The following SSH2 variants were observed in gnomAD, a reference collection of about 807,000 sequenced individuals.
SSH2 encodes the protein slingshot protein phosphatase 2, also known as protein phosphatase Slingshot homolog 2.
In SSH2, 37 loss-of-function variants were observed where a neutral mutation model predicts 135.2. That is an observed-to-expected ratio of 0.27 (90% CI 0.21 to 0.36). SSH2 has a LOEUF of 0.36. SSH2 is among the 10% of genes least tolerant of loss of function. SSH2 has a pLI of 1.00. For synonymous variants in SSH2, 628 were observed against 646.2 expected (o/e 0.97, Z 0.43); for missense variants, 1,408 against 1,765.3 (o/e 0.80, Z 3.63).
At chr17:29,769,411 A>G (rs1012299625) in intron 3 of SSH2, among the ~76,000 whole-genome samples, 1 of 152,218 alleles carries the variant, frequency 6.6e-6, no homozygotes, top group Admixed American at 6.5e-5. Flanking sequence ...TAATAGGGAC[A>G]TAACCTGGTA....
At chr17:29,763,495 T>TA (rs541851534) in intron 3 of SSH2, among the ~76,000 whole-genome samples, 476 of 135,570 alleles carry the variant, frequency 3.5e-3, no homozygotes, top group Non-Finnish European at 4.8e-3. Context: ...CTGCTGTGAT[T>TA]AAAAAAAAAA....
chr17:29,808,561 A>G (rs772118494), intron 2 of SSH2, among the ~76,000 whole-genome samples: 3 of 152,218 alleles, frequency 2.0e-5, no homozygotes, highest in Non-Finnish European at 4.4e-5. Context: ...ATCACTGACT[A>G]TCTTACCTCA....
intron 3 of SSH2, among the ~76,000 whole-genome samples, chr17:29,709,358 C>G (rs2039352282): frequency 1.3e-5 from 2 of 152,080 alleles, no homozygotes; most frequent in African/African-American, 4.8e-5. Flanking sequence ...ACCTACACAC[C>G]TTTTCAACAG....
intron 3 of SSH2, 25 bp downstream of exon 3, chr17:29,793,869 C>T (rs72823964): frequency 0.12 from 185,125 of 1,594,024 alleles, 12,077 homozygotes; most frequent in Non-Finnish European, 0.13. Flanking sequence ...ACAAAAATGC[C>T]GTAGGATATA....
At chr17:29,684,841 A>G (rs1318513371) in intron 5 of SSH2, among the ~76,000 whole-genome samples, 157 bp from the exon 6 acceptor site, 1 of 152,228 alleles carries the variant, frequency 6.6e-6, no homozygotes, top group Non-Finnish European at 1.5e-5. Flanking sequence ...TACACTAGCT[A>G]TAAAAACTTT....
At chr17:29,866,204 G>GTTTT in intron 1 of SSH2, 1 of 152,110 alleles carries the variant, frequency 6.6e-6, no homozygotes, top group Non-Finnish European at 1.5e-5. Flanking sequence ...CTGAAAACAA[G>GTTTT]CAGTACAAAG....
intron 3 of SSH2, among the ~76,000 whole-genome samples, chr17:29,783,281 TTA>T (rs910229957): frequency 7.9e-5 from 11 of 140,072 alleles, no homozygotes; most frequent in East Asian, 3.9e-4. Flanking sequence ...TATTTATATA[TTA>T]TATATATAAT....
chr17:29,655,702 A>G (rs932052827), intron 11 of SSH2, 95 bp from the exon 12 acceptor site: 3 of 1,122,624 alleles, frequency 2.7e-6, no homozygotes, highest in African/African-American at 1.5e-5. Flanking sequence ...CAAAAAGAAG[A>G]CTAATAACAT....
chr17:29,647,311 C>T lies in SSH2; in HGVS notation c.1427+833G>A, dbSNP rs1183518467. 6.6e-5 allele frequency among the ~76,000 whole-genome samples: 10 copies of T among 150,850 alleles called. No homozygotes were observed. The East Asian group carries it at 2.0e-3, about 29-fold the overall frequency. ...AGGTTGCAGCGAGCCGAGACTGTGC[C>T]ACTGCACTCCAGCCTGGGTGACAGA... On this transcript the variant is annotated intron_variant, in intron 14 of 15. Transcript: ENST00000540801.
At chr17:29,712,532 G>A (rs1229984913) in intron 3 of SSH2, among the ~76,000 whole-genome samples, 23 of 152,134 alleles carry the variant, frequency 1.5e-4, no homozygotes, top group Admixed American at 1.1e-3. Flanking sequence ...GGCTGAGCGC[G>A]GTGGCTCACG....
At chr17:29,876,512 G>A (rs1468001503) in intron 1 of SSH2, among the ~76,000 whole-genome samples, 1 of 151,832 alleles carries the variant, frequency 6.6e-6, no homozygotes, top group Non-Finnish European at 1.5e-5. Context: ...TCTTCACTTT[G>A]TTGATTGCTT....
chr17:29,723,859 G>T (rs1002327852), intron 3 of SSH2, among the ~76,000 whole-genome samples: 4 of 152,090 alleles, frequency 2.6e-5, no homozygotes, highest in Non-Finnish European at 5.9e-5. Context: ...AAATTTACTT[G>T]CAAAGTTCTA....
intron 7 of SSH2, 30 bp downstream of exon 7, chr17:29,677,643 T>C (rs1388202473): frequency 6.2e-7 from 1 of 1,600,220 alleles, no homozygotes. Context: ...CTTGGCTTTC[T>C]GTAACAGAAT....
intron 2 of SSH2, among the ~76,000 whole-genome samples, chr17:29,794,817 A>G (rs1478888060): frequency 1.3e-5 from 2 of 152,234 alleles, no homozygotes; most frequent in Non-Finnish European, 2.9e-5. Flanking sequence ...TAGCTGAAAA[A>G]GCTTATCATT....
intron 1 of SSH2, among the ~76,000 whole-genome samples, chr17:29,852,623 C>T (rs1271828962): frequency 1.3e-5 from 2 of 151,422 alleles, no homozygotes; most frequent in African/African-American, 2.4e-5. Context: ...GCAATCTTTG[C>T]TCTCTGCAAC....
intron 3 of SSH2, among the ~76,000 whole-genome samples, chr17:29,744,253 C>T (rs1806490139): frequency 1.3e-5 from 2 of 152,078 alleles, no homozygotes; most frequent in Admixed American, 6.5e-5. Context: ...CAGACGTCCA[C>T]ACACTCCTGG....
At chr17:29,886,516 GTGGATGGACCAC>G (rs1225871596) in intron 1 of SSH2, among the ~76,000 whole-genome samples, 2 of 152,050 alleles carry the variant, frequency 1.3e-5, no homozygotes, top group Non-Finnish European at 2.9e-5. Context: ...GGAGGCTGAG[GTGGATGGACCAC>G]CTGAGGTCAG....
At chr17:29,766,514 T>C (rs184475634) in intron 3 of SSH2, among the ~76,000 whole-genome samples, 1 of 152,052 alleles carries the variant, frequency 6.6e-6, no homozygotes, top group East Asian at 1.9e-4. Context: ...ATTTCCCCTA[T>C]GTACCACCAT....
rs896370023 is a variant in SSH2 at position 29,722,515 on chromosome 17, A to G, written c.189-19453T>C. Reference sequence around the variant, plus strand: ...AAACCAAAAGATAATGCCAGGAGAAAAACAGGGAAGTGGCTAAATGACAAA... The same window carrying G: ...AAACCAAAAGATAATGCCAGGAGAAGAACAGGGAAGTGGCTAAATGACAAA... On this transcript the variant is annotated intron_variant, in intron 3 of 15. Transcript: ENST00000540801. Among the ~76,000 whole-genome samples the G allele has an allele frequency of 5.9e-5, 9 of 152,344 alleles. No individual in the cohort carries two copies. In the East Asian group the frequency reaches 1.7e-3, roughly 29 times the overall value.
Sources: allele counts gnomAD v4.1 joint callset (sites outside exome capture counted in the v4.1 genomes callset), GRCh38; gene constraint gnomAD v4.1.1; transcripts MANE v1.5; gene names NCBI Gene and HGNC (gene_info 2026-07-23, HGNC 2026-07-21).